Variants in MGAT4C observed in about 807,000 individuals in gnomAD.
MGAT4C encodes the protein MGAT4 family member C.
In MGAT4C, 19 loss-of-function variants were observed where a neutral mutation model predicts 40.1. The ratio of observed to expected loss-of-function variants is 0.47; its 90% CI spans 0.33 to 0.70. The LOEUF (loss-of-function observed/expected upper bound fraction) is 0.70. MGAT4C is among the 30% of genes least tolerant of loss of function. MGAT4C has a pLI of 0.02. For synonymous variants in MGAT4C, 181 were observed against 187.1 expected, an observed-to-expected ratio of 0.97 and a Z score of 0.27; for missense variants, 491 against 563.2, an observed-to-expected ratio of 0.87 and a Z score of 1.30.
chr12:86,291,247 C>T (rs1479561536), intron 4 of MGAT4C, among the ~76,000 whole-genome samples: 2 of 152,132 alleles, frequency 1.3e-5, no homozygotes, highest in East Asian at 3.9e-4. Flanking sequence ...ATTTATATTG[C>T]CAAATAGCCA....
At chr12:86,668,698 G>A (rs1023065662) in intron 2 of MGAT4C, among the ~76,000 whole-genome samples, 12 of 152,200 alleles carry the variant, frequency 7.9e-5, no homozygotes, top group African/African-American at 2.2e-4. Context: ...ACTGTGGAAG[G>A]TGCCTCAGCA....
intron 1 of MGAT4C, among the ~76,000 whole-genome samples, chr12:86,113,516 T>G (rs1877824137): frequency 6.6e-6 from 1 of 151,560 alleles, no homozygotes; most frequent in African/African-American, 2.4e-5. Flanking sequence ...ATAAAAAAAT[T>G]AAAGCATAAA....
chr12:86,572,783 T>C (rs1339862652), intron 2 of MGAT4C, among the ~76,000 whole-genome samples: 1 of 152,038 alleles, frequency 6.6e-6, no homozygotes, highest in African/African-American at 2.4e-5. Context: ...CAGTGTTCTG[T>C]CCTCTTTTTC....
At chr12:86,029,830 C>T (rs775400939) in intron 2 of MGAT4C, among the ~76,000 whole-genome samples, 3 of 151,818 alleles carry the variant, frequency 2.0e-5, no homozygotes, top group Non-Finnish European at 3.0e-5. Context: ...ACATTAAAAA[C>T]AACTGTGAAA....
At chr12:86,584,554 C>A (rs1395777454) in intron 2 of MGAT4C, among the ~76,000 whole-genome samples, 1 of 150,912 alleles carries the variant, frequency 6.6e-6, no homozygotes, top group African/African-American at 2.4e-5. Flanking sequence ...TTTCTTTTAC[C>A]TATTTTGTAT....
chr12:86,153,700 C>T (rs1178889773), intron 1 of MGAT4C, among the ~76,000 whole-genome samples: 3 of 152,100 alleles, frequency 2.0e-5, no homozygotes, highest in Non-Finnish European at 4.4e-5. Flanking sequence ...ACACTTTTTC[C>T]TGTGCTCTCA....
intron 1 of MGAT4C, among the ~76,000 whole-genome samples, chr12:86,118,873 G>A (rs2135673381): frequency 6.6e-6 from 1 of 152,216 alleles, no homozygotes; most frequent in African/African-American, 2.4e-5. Flanking sequence ...CATCTGGAAA[G>A]AGTATTTTCA....
chr12:86,737,026 A>C (rs1042968619), intron 1 of MGAT4C, among the ~76,000 whole-genome samples: 36 of 151,606 alleles, frequency 2.4e-4, no homozygotes, highest in Middle Eastern at 3.4e-3. Flanking sequence ...AAAAAAAAAA[A>C]AAAACCTGCC....
intron 2 of MGAT4C, among the ~76,000 whole-genome samples, chr12:86,478,752 C>A (rs192304969): frequency 6.6e-6 from 1 of 152,110 alleles, no homozygotes; most frequent in Admixed American, 6.5e-5. Context: ...GTAATTCAAA[C>A]CTCACAACCA....
chr12:86,346,098 C>T (rs945203431), intron 3 of MGAT4C, among the ~76,000 whole-genome samples: 4 of 152,270 alleles, frequency 2.6e-5, no homozygotes, highest in South Asian at 2.1e-4. Flanking sequence ...AATTTAAATG[C>T]TATTTATATA....
chr12:86,503,727 A>T (rs1958412653), intron 2 of MGAT4C, among the ~76,000 whole-genome samples: 1 of 68,464 alleles, frequency 1.5e-5, no homozygotes, highest in Non-Finnish European at 2.7e-5. Context: ...TATATATATG[A>T]GTTCTGCTCA....
At chr12:86,337,336 T>A (rs1334253924) in intron 3 of MGAT4C, among the ~76,000 whole-genome samples, 1 of 151,908 alleles carries the variant, frequency 6.6e-6, no homozygotes, top group Non-Finnish European at 1.5e-5. Flanking sequence ...GTGGCTCATG[T>A]CTGTAATCCT....
intron 2 of MGAT4C, among the ~76,000 whole-genome samples, chr12:86,576,485 T>G (rs925563176): frequency 1.3e-5 from 2 of 151,786 alleles, no homozygotes; most frequent in Non-Finnish European, 2.9e-5. Context: ...TTTAATCCAC[T>G]TTAATTTTTG....
chr12:86,419,716 T>C (rs555358832), intron 3 of MGAT4C, among the ~76,000 whole-genome samples: 1 of 152,236 alleles, frequency 6.6e-6, no homozygotes, highest in South Asian at 2.1e-4. Flanking sequence ...AGTTTTCTTG[T>C]AGTGGATGGT....
chr12:86,568,409 GA>G (rs1459920942), intron 2 of MGAT4C, among the ~76,000 whole-genome samples: 2 of 151,962 alleles, frequency 1.3e-5, no homozygotes, highest in Non-Finnish European at 2.9e-5. Context: ...CTCACAGACT[GA>G]AAGCTGCCCT....
chr12:86,692,944 CA>C (rs1950196628), intron 2 of MGAT4C, among the ~76,000 whole-genome samples: 1 of 152,116 alleles, frequency 6.6e-6, no homozygotes, highest in Non-Finnish European at 1.5e-5. Context: ...TCAGGCCCAA[CA>C]ACCGTTTTGA....
At chr12:86,078,167 T>C (rs1870140254) in intron 1 of MGAT4C, among the ~76,000 whole-genome samples, 1 of 152,126 alleles carries the variant, frequency 6.6e-6, no homozygotes, top group Non-Finnish European at 1.5e-5. Flanking sequence ...ATATTATATA[T>C]TGGATGCTGA....
chr12:86,744,416 A>G (rs1951120097), intron 1 of MGAT4C, among the ~76,000 whole-genome samples: 1 of 151,582 alleles, frequency 6.6e-6, no homozygotes, highest in African/African-American at 2.4e-5. Flanking sequence ...TATGTAGCAC[A>G]CTTGTACAGT....
chr12:86,153,992 G>A (rs1026288576), intron 1 of MGAT4C, among the ~76,000 whole-genome samples: 2 of 152,018 alleles, frequency 1.3e-5, no homozygotes, highest in African/African-American at 4.8e-5. Flanking sequence ...AACATTTCAG[G>A]GATGTAGAAC....
Sources: gnomAD v4.1 joint callset for allele counts (sites outside exome capture counted in the v4.1 genomes callset) on GRCh38, gnomAD v4.1.1 for gene constraint, MANE v1.5 for transcripts, NCBI Gene and HGNC (gene_info 2026-07-23, HGNC 2026-07-21) for gene names.